NMD3: variants seen among roughly 807,000 people sequenced by gnomAD.
NMD3 encodes NMD3 ribosome export adaptor, also known as 60S ribosomal export protein NMD3.
In NMD3, 47 loss-of-function variants were observed where a neutral mutation model predicts 73.1. The ratio of observed to expected loss-of-function variants is 0.64; its 90% CI spans 0.51 to 0.82. The LOEUF (loss-of-function observed/expected upper bound fraction) is 0.82, where lower values mean the gene tolerates loss of function less well. NMD3 is among the 40% of genes least tolerant of loss of function. The pLI is 0.00. For synonymous variants in NMD3, 210 were observed against 194.5 expected, an observed-to-expected ratio of 1.08 and a Z score of -0.66; for missense variants, 554 against 612.5, an observed-to-expected ratio of 0.90 and a Z score of 1.01.
intron 11 of NMD3, 134 bp from the exon 12 acceptor site, chr3:161,246,202 A>G (rs960173024): frequency 9.9e-6 from 4 of 404,520 alleles, no homozygotes; most frequent in African/African-American, 4.1e-5. Context: ...TGTTTCATAC[A>G]TCAGAAAAAT....
chr3:161,223,367 C>T (rs1736184001), intron 2 of NMD3, among the ~76,000 whole-genome samples: 1 of 152,078 alleles, frequency 6.6e-6, no homozygotes, highest in Admixed American at 6.5e-5. Flanking sequence ...ACTTTTTCTG[C>T]CCCCAGTACA....
chr3:161,236,279 C>T (rs977852506), intron 7 of NMD3, among the ~76,000 whole-genome samples: 4 of 152,090 alleles, frequency 2.6e-5, no homozygotes, highest in Admixed American at 2.6e-4. Flanking sequence ...AACTACCAAA[C>T]TGCTTCAAAG....
intron 3 of NMD3, among the ~76,000 whole-genome samples, chr3:161,225,870 GTA>G (rs1194141199): frequency 4.0e-5 from 6 of 151,860 alleles, no homozygotes; most frequent in Admixed American, 3.9e-4. Context: ...GTGTGTGTGT[GTA>G]TATATACATA....
At chr3:161,224,874 A>C (rs1736247959) in intron 2 of NMD3, 56 bp from the exon 3 acceptor site, 1 of 1,507,778 alleles carries the variant, frequency 6.6e-7, no homozygotes, top group East Asian at 2.4e-5. Context: ...ATCTAAAAAA[A>C]AATTTAGTGT....
At chr3:161,249,404 T>C (rs778237990) in intron 13 of NMD3, 50 bp from the exon 14 acceptor site, 4 of 1,216,724 alleles carry the variant, frequency 3.3e-6, no homozygotes, top group Non-Finnish European at 4.7e-6. Context: ...TTTTGTGGCC[T>C]CACTGTATAG....
chr3:161,230,229 G>A (rs985347554), intron 4 of NMD3, among the ~76,000 whole-genome samples: 2 of 152,150 alleles, frequency 1.3e-5, no homozygotes, highest in African/African-American at 4.8e-5. Flanking sequence ...CTCCTAAGTA[G>A]TTGGTACTAC....
Position 161,246,400 on chromosome 3 carries a change from G to C in NMD3, c.1082G>C (p.Cys361Ser), listed in dbSNP as rs753144520. Residue 361 changes from cysteine (C) to serine (S), a missense_variant, in exon 12 of 16, where the codon TGT becomes TCT. Cys to Ser is a moderately radical substitution (Grantham distance 112). Transcript: ENST00000351193. ...ATGAATACAGATAAACAGTATTTTT[G>C]TCGTACTCATTTGGGACATCTTCTA... Reference protein sequence around the residue: ...SEMNTDKQYFCRTHLGHLLNP... With the variant: ...SEMNTDKQYFSRTHLGHLLNP... The C allele has an allele frequency of 5.2e-6, 8 of 1,530,224 alleles. No homozygotes were observed. The highest frequency in any genetic ancestry group is 7.1e-6 in the Non-Finnish European group (8 of 1,121,688). The allele number at this position is 1,530,224 out of a possible 1,614,324, so 94.8% of individuals were successfully genotyped here.
chr3:161,240,663 C>G (rs1418906256), intron 9 of NMD3, among the ~76,000 whole-genome samples: 3 of 150,672 alleles, frequency 2.0e-5, no homozygotes, highest in Non-Finnish European at 4.4e-5. Context: ...TAGCTAGGCC[C>G]ACAGGCATGC....
intron 4 of NMD3, 46 bp downstream of exon 4, chr3:161,227,389 A>G (rs1463082433): frequency 8.6e-7 from 1 of 1,158,598 alleles, no homozygotes; most frequent in Non-Finnish European, 1.3e-6. Flanking sequence ...TGTTTTCATT[A>G]AAGGTCTCAT....
intron 10 of NMD3, 64 bp from the exon 11 acceptor site, chr3:161,242,444 A>T: frequency 6.9e-7 from 1 of 1,451,922 alleles, no homozygotes; most frequent in Non-Finnish European, 9.5e-7. Context: ...ATTCTTAGTT[A>T]ATACATTTGA....
rs1373270964 is a variant in NMD3 at position 161,242,442 on chromosome 3, T to G, written c.872-66T>G. ...TTGGTATCTACCAGTTTATTCTTAG[T>G]TAATACATTTGATAATTGAAATATA... On this transcript the variant is annotated intron_variant, in intron 10 of 15. Coordinates refer to ENST00000351193, the MANE Select transcript of NMD3 (RefSeq NM_015938.5). The G allele has an allele frequency of 8.3e-6, 12 of 1,451,590 alleles. 1 individual carries two copies. In the South Asian group the frequency reaches 1.3e-4, roughly 16 times the overall value. 89.9% of individuals were successfully genotyped at this position (1,451,590 alleles called of 1,614,324 possible).
chr3:161,229,984 G>T lies in NMD3; in HGVS notation c.276+2641G>T, dbSNP rs140895875. On this transcript the variant is annotated intron_variant, in intron 4 of 15. Coordinates refer to ENST00000351193, the MANE Select transcript of NMD3 (RefSeq NM_015938.5). ...TGGTGGTAAAGATGTCATTTAAATA[G>T]AAATTAAAATGGGAGAAGGAAGATA... Among the ~76,000 whole-genome samples, 512 of 152,332 alleles carry T rather than the reference G, an allele frequency of 3.4e-3. 3 individuals carry two copies. The highest frequency in any genetic ancestry group is 0.012 in the African/African-American group (479 of 41,570).
intron 7 of NMD3, among the ~76,000 whole-genome samples, chr3:161,236,798 A>G (rs1736772707): frequency 6.6e-6 from 1 of 152,168 alleles, no homozygotes; most frequent in African/African-American, 2.4e-5. Flanking sequence ...TCTTCATCCC[A>G]GTGAAAACTC....
intron 10 of NMD3, among the ~76,000 whole-genome samples, chr3:161,241,839 A>G (rs1209916333): frequency 1.3e-5 from 2 of 152,148 alleles, no homozygotes; most frequent in African/African-American, 4.8e-5. Flanking sequence ...GGCCCATTGG[A>G]ACATTTAGTT....
downstream of NMD3, chr3:161,253,168 T>C (rs12495310): frequency 1.3e-5 from 2 of 159,700 alleles, no homozygotes; most frequent in Admixed American, 6.4e-5. Context: ...GTAATTGAGA[T>C]GTTTAACAGC....
intron 11 of NMD3, among the ~76,000 whole-genome samples, chr3:161,245,802 A>G (rs1200376691): frequency 6.6e-6 from 1 of 151,994 alleles, no homozygotes; most frequent in Admixed American, 6.6e-5. Flanking sequence ...GCAGATGTAG[A>G]GAATGATTGT....
chr3:161,231,115 A>G (rs1321158067), intron 4 of NMD3, among the ~76,000 whole-genome samples: 3 of 152,228 alleles, frequency 2.0e-5, no homozygotes, highest in Non-Finnish European at 2.9e-5. Flanking sequence ...GGCTAAGGTG[A>G]AATAAGAGAG....
chr3:161,250,610 G>T (rs965421244), intron 15 of NMD3, among the ~76,000 whole-genome samples, 170 bp from the exon 16 acceptor site: 1 of 152,222 alleles, frequency 6.6e-6, no homozygotes, highest in African/African-American at 2.4e-5. Context: ...CAGTTCATTT[G>T]TTCAGTGAAT....
chr3:161,232,505 C>T (rs545209661), intron 4 of NMD3, among the ~76,000 whole-genome samples: 8 of 152,226 alleles, frequency 5.3e-5, no homozygotes, highest in African/African-American at 1.9e-4. Flanking sequence ...TCAAATGTAA[C>T]ATCTTTTTCT....
Sources: allele counts gnomAD v4.1 joint callset (sites outside exome capture counted in the v4.1 genomes callset), GRCh38; gene constraint gnomAD v4.1.1; transcripts MANE v1.5; gene names NCBI Gene and HGNC (gene_info 2026-07-23, HGNC 2026-07-21).